The following DOK7 variants were observed in gnomAD, a reference collection of about 807,000 sequenced individuals.
The protein encoded by DOK7 is protein Dok-7.
A neutral mutation model predicts 30.7 loss-of-function variants in DOK7; 32 were observed. The ratio of observed to expected loss-of-function variants is 1.04; its 90% CI spans 0.79 to 1.40. The LOEUF (loss-of-function observed/expected upper bound fraction) is 1.40. Among genes scored for constraint, DOK7 ranks in the 40% most tolerant of loss-of-function variants. The pLI, the probability that DOK7 is intolerant of heterozygous loss-of-function variation, is 0.00. For missense variants in DOK7, 1,007 were observed against 699.2 expected (o/e 1.44, Z -4.97); for synonymous variants, 447 against 324.1 (o/e 1.38, Z -4.07).
chr4:3,490,651 C>T (rs114411797), intron 6 of DOK7, among the ~76,000 whole-genome samples: 30 of 118,032 alleles, frequency 2.5e-4, no homozygotes, highest in Non-Finnish European at 4.9e-4. Context: ...GTTCATTTCC[C>T]TCCTGCTCAT....
chr4:3,489,922 T>C (rs1195354580), intron 6 of DOK7, 126 bp downstream of exon 6: 1 of 1,400,480 alleles, frequency 7.1e-7, no homozygotes, highest in Non-Finnish European at 9.5e-7. Flanking sequence ...TCCTTCTGTC[T>C]CCTGCTCATT....
downstream of DOK7, among the ~76,000 whole-genome samples, chr4:3,498,647 C>T (rs1729040857): frequency 6.6e-6 from 1 of 152,120 alleles, no homozygotes; most frequent in Non-Finnish European, 1.5e-5. Context: ...CTTGGCCTAG[C>T]CCCTCAGCCA....
At chr4:3,492,455 A>C (rs1577180862) in intron 6 of DOK7, among the ~76,000 whole-genome samples, 1 of 108,710 alleles carries the variant, frequency 9.2e-6, no homozygotes, top group African/African-American at 3.6e-5. Context: ...GAGGGTGGGG[A>C]GCTCTAGGGA....
At chr4:3,500,795 G>A (rs1208863872) in exon 8 of DOK7, 16 of 1,533,824 alleles carry the variant, frequency 1.0e-5, no homozygotes, top group Non-Finnish European at 1.4e-5. Flanking sequence ...AGCTGTCGGA[G>A]CTGGAGCAGA....
chr4:3,497,598 A>T (rs1183624879), downstream of DOK7, among the ~76,000 whole-genome samples: 1 of 152,008 alleles, frequency 6.6e-6, no homozygotes, highest in East Asian at 1.9e-4. Flanking sequence ...GTGGAGTAGG[A>T]GCCACTGCGG....
At chr4:3,464,935 G>A (rs536727448) in intron 2 of DOK7, among the ~76,000 whole-genome samples, 3 of 152,182 alleles carry the variant, frequency 2.0e-5, no homozygotes, top group South Asian at 2.1e-4. Flanking sequence ...GGTGGCTCCC[G>A]AGCGTCTGCT....
rs749706359 is a variant in DOK7, at chr4:3,492,741, C to T, written c.773-18C>T. On this transcript the variant is annotated intron_variant, in intron 6 of 6. Transcript: ENST00000340083. ...CCCTGTACCCCCACAACTGCCTTGG[C>T]TTCCTGCTCTGTCTCAGGGGATGAC... 8.1e-6 allele frequency: 13 copies of T among 1,611,998 alleles called. No individual in the cohort carries two copies. The Admixed American group carries it at 1.0e-4, about 12-fold the overall frequency.
intron 4 of DOK7, chr4:3,485,249 G>A (rs1727693536): frequency 1.8e-5 from 6 of 341,676 alleles, no homozygotes; most frequent in Middle Eastern, 7.5e-4. Flanking sequence ...TAGGATGGGC[G>A]GGGCAGCACT....
At chr4:3,479,619 G>C (rs746715801) in intron 4 of DOK7, among the ~76,000 whole-genome samples, 1 of 152,224 alleles carries the variant, frequency 6.6e-6, no homozygotes, top group African/African-American at 2.4e-5. Flanking sequence ...AGCCAGCTCT[G>C]CAGAGAGCAG....
At chr4:3,482,157 C>T (rs944784999) in intron 4 of DOK7, among the ~76,000 whole-genome samples, 1 of 152,194 alleles carries the variant, frequency 6.6e-6, no homozygotes, top group African/African-American at 2.4e-5. Flanking sequence ...CTTTTCACCC[C>T]CCTCCACCGC....
rs552568959 is a variant in DOK7 at position 3,469,454 on chromosome 4, C to G, written c.101-3952C>G. 5.9e-5 allele frequency among the ~76,000 whole-genome samples: 9 copies of G among 152,070 alleles called. No individual in the cohort carries two copies. In the South Asian group the frequency reaches 1.0e-3, roughly 18 times the overall value. ...GCAGGGCTGATGGTGGTTCCTCAGCCGCCAGGCAAGAGACCCCCAGCCGGA... is the reference window on the plus strand; with the variant it reads ...GCAGGGCTGATGGTGGTTCCTCAGCGGCCAGGCAAGAGACCCCCAGCCGGA... On this transcript the variant is annotated intron_variant, in intron 2 of 6. Coordinates refer to ENST00000340083, the MANE Select transcript of DOK7 (RefSeq NM_173660.5).
chr4:3,489,632 G>T, intron 5 of DOK7, 45 bp from the exon 6 acceptor site: 1 of 1,556,652 alleles, frequency 6.4e-7, no homozygotes, highest in Non-Finnish European at 8.7e-7. Context: ...GGCGAGGGTG[G>T]GCGGTGGTGG....
intron 2 of DOK7, among the ~76,000 whole-genome samples, chr4:3,466,747 G>C (rs906996525): frequency 1.3e-5 from 2 of 152,220 alleles, no homozygotes; most frequent in Non-Finnish European, 2.9e-5. Context: ...CAGGGCTCTT[G>C]AGGGCAATGG....
chr4:3,485,723 G>C (rs144007944), intron 5 of DOK7, 65 bp downstream of exon 5: 1 of 1,427,392 alleles, frequency 7.0e-7, no homozygotes, highest in Non-Finnish European at 9.2e-7. Flanking sequence ...GTCCCGGGGC[G>C]GGGGGCCACA....
intron 4 of DOK7, among the ~76,000 whole-genome samples, chr4:3,482,576 C>A (rs990756079): frequency 3.3e-5 from 5 of 152,256 alleles, no homozygotes; most frequent in African/African-American, 1.2e-4. Flanking sequence ...GGGAGTGGAC[C>A]AGCCTCTGGA....
At chr4:3,494,606 G>C (rs890158275), downstream of DOK7, 9 of 852,802 alleles carry the variant, frequency 1.1e-5, no homozygotes, top group Non-Finnish European at 1.1e-5. Flanking sequence ...GAGAGTGCGA[G>C]AGGCCTCATC....
chr4:3,463,450 C>CGGGGGGGGGGG (rs71180187), intron 1 of DOK7, 21 bp downstream of exon 1: 7 of 1,230,620 alleles, frequency 5.7e-6, no homozygotes, highest in South Asian at 5.5e-5. Context: ...GTCGGGGGCG[C>CGGGGGGGGGGG]GGGGGGGGGG....
intron 2 of DOK7, among the ~76,000 whole-genome samples, chr4:3,471,881 G>A (rs1273325765): frequency 2.0e-5 from 3 of 152,260 alleles, no homozygotes; most frequent in African/African-American, 4.8e-5. Context: ...TTCAGACGCT[G>A]CGGACAGATC....
At chr4:3,478,582 A>G (rs1727259428) in intron 4 of DOK7, among the ~76,000 whole-genome samples, 1 of 116,882 alleles carries the variant, frequency 8.6e-6, no homozygotes, top group South Asian at 2.6e-4. Context: ...GCCCCACAGA[A>G]CCCGCAAACG....
Sources: gnomAD v4.1 joint callset for allele counts (sites outside exome capture counted in the v4.1 genomes callset) on GRCh38, gnomAD v4.1.1 for gene constraint, MANE v1.5 for transcripts, NCBI Gene and HGNC (gene_info 2026-07-23, HGNC 2026-07-21) for gene names.